Variants in GALNT13 observed in about 807,000 individuals in gnomAD.
GALNT13 encodes UDP-GalNAc:polypeptide N-acetylgalactosaminyltransferase 13.
GALNT13 carries 28 observed loss-of-function variants against 64.2 expected under a neutral mutation model. The observed-to-expected ratio is 0.44, with a 90% CI of 0.32 to 0.60. GALNT13 has a LOEUF of 0.60. Among genes scored for constraint, GALNT13 ranks in the 20% least tolerant of loss-of-function variants. GALNT13 has a pLI of 0.05. For synonymous variants in GALNT13, 214 were observed against 224.6 expected (o/e 0.95, Z 0.42); for missense variants, 577 against 669.8 (o/e 0.86, Z 1.53).
At chr2:153,634,512 A>T in the GALNT13 span, among the ~76,000 whole-genome samples, 1 of 148,902 alleles carries the variant, frequency 6.7e-6, no homozygotes, top group Non-Finnish European at 1.5e-5. Flanking sequence ...TTATGATACT[A>T]ACTTTTGATG....
chr2:153,358,741 G>A, the GALNT13 span, among the ~76,000 whole-genome samples: 4 of 152,038 alleles, frequency 2.6e-5, no homozygotes, highest in South Asian at 2.1e-4. Flanking sequence ...CCATGTGCCA[G>A]TAATCCATAT....
chr2:153,074,005 CA>C, the GALNT13 span, among the ~76,000 whole-genome samples: 1 of 152,112 alleles, frequency 6.6e-6, no homozygotes, highest in Admixed American at 6.6e-5. Context: ...AACTGATGGT[CA>C]TATGTAGAGG....
chr2:153,596,893 T>C, the GALNT13 span, among the ~76,000 whole-genome samples: 1 of 152,238 alleles, frequency 6.6e-6, no homozygotes, highest in African/African-American at 2.4e-5. Context: ...AATTAAAATA[T>C]GCTTTTGAAC....
chr2:154,371,114 G>C (rs1341296600), intron 9 of GALNT13, among the ~76,000 whole-genome samples: 1 of 152,116 alleles, frequency 6.6e-6, no homozygotes, highest in Non-Finnish European at 1.5e-5. Flanking sequence ...GGAGGAATTG[G>C]TGACTTAGAG....
the GALNT13 span, among the ~76,000 whole-genome samples, chr2:153,345,689 T>C: frequency 1.2e-3 from 161 of 137,700 alleles, 2 homozygotes; most frequent in African/African-American, 3.0e-3. Flanking sequence ...CTTTCTTTCT[T>C]TCTTTCTTTC....
At chr2:153,075,676 T>G in the GALNT13 span, among the ~76,000 whole-genome samples, 2 of 152,126 alleles carry the variant, frequency 1.3e-5, no homozygotes, top group African/African-American at 4.8e-5. Flanking sequence ...ATTTACATAT[T>G]TCCAAAATCA....
At chr2:153,323,797 G>A in the GALNT13 span, among the ~76,000 whole-genome samples, 27 of 152,094 alleles carry the variant, frequency 1.8e-4, no homozygotes, top group Non-Finnish European at 3.1e-4. Context: ...TCAGATGGTT[G>A]TAGATGTGTG....
the GALNT13 span, among the ~76,000 whole-genome samples, chr2:153,486,181 C>G: frequency 6.6e-6 from 1 of 152,128 alleles, no homozygotes; most frequent in African/African-American, 2.4e-5. Context: ...TGTGATCCAC[C>G]TGCCTCGGCC....
chr2:153,173,610 C>T, the GALNT13 span, among the ~76,000 whole-genome samples: 1 of 152,180 alleles, frequency 6.6e-6, no homozygotes, highest in Non-Finnish European at 1.5e-5. Flanking sequence ...GGGTATATCT[C>T]TTACTGGGAA....
chr2:154,036,777 C>T (rs971159315), intron 3 of GALNT13, among the ~76,000 whole-genome samples: 21 of 152,000 alleles, frequency 1.4e-4, no homozygotes, highest in Non-Finnish European at 2.9e-5. Flanking sequence ...TGTAGGAAAC[C>T]TGAGGATGGT....
chr2:153,832,402 G>C, the GALNT13 span, among the ~76,000 whole-genome samples: 1 of 152,102 alleles, frequency 6.6e-6, no homozygotes, highest in Non-Finnish European at 1.5e-5. Flanking sequence ...ATCAAAACAA[G>C]TTCAAAAATA....
chr2:154,076,744 G>C (rs759309944), intron 3 of GALNT13, among the ~76,000 whole-genome samples: 3 of 151,602 alleles, frequency 2.0e-5, no homozygotes, highest in Non-Finnish European at 4.4e-5. Flanking sequence ...GGTAAATCTT[G>C]AGGCAAATTT....
intron 4 of GALNT13, among the ~76,000 whole-genome samples, chr2:154,164,914 TTTCC>T (rs1684942195): frequency 6.6e-6 from 1 of 152,110 alleles, no homozygotes; most frequent in African/African-American, 2.4e-5. Context: ...CTTGTTTTTC[TTTCC>T]CCCTTTAATA....
chr2:153,082,411 T>C, the GALNT13 span, among the ~76,000 whole-genome samples: 1 of 151,482 alleles, frequency 6.6e-6, no homozygotes, highest in African/African-American at 2.4e-5. Flanking sequence ...TATTTGGTGT[T>C]TCATTCCTGA....
At chr2:153,460,687 T>G in the GALNT13 span, among the ~76,000 whole-genome samples, 108,369 of 151,948 alleles carry the variant, frequency 0.71, 39,490 homozygotes, top group Middle Eastern at 0.79. Flanking sequence ...ACACGCTGGG[T>G]TGATAGTAAA....
the GALNT13 span, among the ~76,000 whole-genome samples, chr2:153,854,472 T>C: frequency 6.6e-6 from 1 of 151,852 alleles, no homozygotes; most frequent in East Asian, 1.9e-4. Context: ...TCCCAGCTAG[T>C]AGGGAGGCTG....
intron 4 of GALNT13, among the ~76,000 whole-genome samples, chr2:154,240,166 C>T (rs1459056960): frequency 6.6e-6 from 1 of 152,056 alleles, no homozygotes; most frequent in Non-Finnish European, 1.5e-5. Context: ...ACAGAAATGC[C>T]TGAATGTTGA....
chr2:154,321,888 A>G (rs1694641682), intron 9 of GALNT13, among the ~76,000 whole-genome samples: 2 of 152,226 alleles, frequency 1.3e-5, no homozygotes, highest in African/African-American at 4.8e-5. Context: ...ATATAAGCAT[A>G]TATTTCTGGA....
At chr2:153,411,177 A>ATT in the GALNT13 span, among the ~76,000 whole-genome samples, 372 of 112,614 alleles carry the variant, frequency 3.3e-3, 1 homozygote, top group Middle Eastern at 4.5e-3. Flanking sequence ...ATATATATAT[A>ATT]TATTTTTTTT....
Sources: gnomAD v4.1 joint callset for allele counts (sites outside exome capture counted in the v4.1 genomes callset) on GRCh38, gnomAD v4.1.1 for gene constraint, MANE v1.5 for transcripts, NCBI Gene and HGNC (gene_info 2026-07-23, HGNC 2026-07-21) for gene names.